Variants in RGS20 observed in about 807,000 individuals in gnomAD.
The protein encoded by RGS20 is regulator of G protein signaling 20, also known as gz-selective GTPase-activating protein.
RGS20 carries 30 observed loss-of-function variants against 33.6 expected under a neutral mutation model. The observed-to-expected ratio is 0.89, with a 90% CI of 0.67 to 1.21. RGS20 has a LOEUF of 1.21. Among genes scored for constraint, RGS20 ranks in the 50% most tolerant of loss-of-function variants. The pLI, the probability that RGS20 is intolerant of heterozygous loss-of-function variation, is 0.00. For synonymous variants in RGS20, 208 were observed against 197.9 expected, an observed-to-expected ratio of 1.05 and a Z score of -0.43; for missense variants, 472 against 502.4, an observed-to-expected ratio of 0.94 and a Z score of 0.58.
intron 2 of RGS20, among the ~76,000 whole-genome samples, chr8:53,897,458 G>T (rs781590654): frequency 2.0e-5 from 3 of 152,198 alleles, no homozygotes; most frequent in Non-Finnish European, 4.4e-5. Context: ...ATTCATTAAA[G>T]ACAGTTCAAA....
intron 1 of RGS20, among the ~76,000 whole-genome samples, chr8:53,865,049 C>T (rs751252876): frequency 6.6e-6 from 1 of 152,210 alleles, no homozygotes; most frequent in Non-Finnish European, 1.5e-5. Context: ...GACAGGGCCC[C>T]GCATGGCCTG....
At chr8:53,858,547 C>G (rs960638330) in intron 1 of RGS20, among the ~76,000 whole-genome samples, 1 of 151,594 alleles carries the variant, frequency 6.6e-6, no homozygotes, top group Non-Finnish European at 1.5e-5. Context: ...TACACATACC[C>G]GAAAGAAAGC....
intron 2 of RGS20, among the ~76,000 whole-genome samples, chr8:53,937,146 T>G (rs750251078): frequency 6.6e-6 from 1 of 151,136 alleles, no homozygotes; most frequent in Non-Finnish European, 1.5e-5. Context: ...TGTCGTGGAG[T>G]TGGGGGGAGA....
chr8:53,928,359 A>AT (rs1288291364), intron 2 of RGS20, among the ~76,000 whole-genome samples: 1 of 152,134 alleles, frequency 6.6e-6, no homozygotes, highest in East Asian at 1.9e-4. Flanking sequence ...TTAATTTAGA[A>AT]TTTTTTTGTA....
intron 1 of RGS20, among the ~76,000 whole-genome samples, chr8:53,864,430 G>GA (rs754317203): frequency 0.07 from 5,754 of 82,760 alleles, 177 homozygotes; most frequent in Admixed American, 0.1. Flanking sequence ...AAGACTCCAT[G>GA]AAAAAAAAAA....
At chr8:53,939,299 C>T (rs1176090535) in intron 2 of RGS20, among the ~76,000 whole-genome samples, 1 of 152,176 alleles carries the variant, frequency 6.6e-6, no homozygotes, top group Non-Finnish European at 1.5e-5. Context: ...GTGTCTCTGT[C>T]TCCTTTACTG....
intron 2 of RGS20, chr8:53,880,037 A>G (rs930600786): frequency 6.1e-6 from 1 of 164,224 alleles, no homozygotes; most frequent in African/African-American, 2.4e-5. Flanking sequence ...TTTTTGTGTC[A>G]GGTCAGTTTC....
chr8:53,919,590 T>G (rs1437754428), intron 2 of RGS20, among the ~76,000 whole-genome samples: 1 of 151,758 alleles, frequency 6.6e-6, no homozygotes, highest in Non-Finnish European at 1.5e-5. Flanking sequence ...ATAACATTTT[T>G]TCTTTTTTTT....
chr8:53,906,701 C>T (rs1287304223), intron 2 of RGS20, among the ~76,000 whole-genome samples: 6 of 152,148 alleles, frequency 3.9e-5, no homozygotes, highest in African/African-American at 1.2e-4. Flanking sequence ...CTGGGAACCA[C>T]AGTCAGTGGG....
chr8:53,932,477 G>A (rs1441579126), intron 2 of RGS20, among the ~76,000 whole-genome samples: 3 of 152,110 alleles, frequency 2.0e-5, no homozygotes, highest in Admixed American at 6.5e-5. Flanking sequence ...TTGAGTAGGC[G>A]GTTTTCCCCT....
At chr8:53,930,121 T>TA (rs1392054096) in intron 2 of RGS20, among the ~76,000 whole-genome samples, 1 of 152,110 alleles carries the variant, frequency 6.6e-6, no homozygotes, top group Non-Finnish European at 1.5e-5. Context: ...ACAGATACCT[T>TA]AAAAAGGTAC....
intron 4 of RGS20, among the ~76,000 whole-genome samples, chr8:53,952,658 G>A (rs1455936667): frequency 2.0e-5 from 3 of 146,812 alleles, no homozygotes; most frequent in Admixed American, 6.8e-5. Flanking sequence ...CCCGGAAGGC[G>A]GAGGTTGCAG....
At chr8:53,922,666 A>G (rs1261183494) in intron 2 of RGS20, among the ~76,000 whole-genome samples, 1 of 151,652 alleles carries the variant, frequency 6.6e-6, no homozygotes, top group Non-Finnish European at 1.5e-5. Context: ...GTATGTGTAT[A>G]TTTTTTAATT....
At chr8:53,927,044 T>TA (rs989383249) in intron 2 of RGS20, among the ~76,000 whole-genome samples, 1 of 152,222 alleles carries the variant, frequency 6.6e-6, no homozygotes, top group Admixed American at 6.5e-5. Flanking sequence ...CCTTGGCTTT[T>TA]AGTTGAATTT....
At chr8:53,946,475 T>G in intron 3 of RGS20, 190 bp from the exon 3 acceptor site, 1 of 657,296 alleles carries the variant, frequency 1.5e-6, no homozygotes, top group South Asian at 1.7e-5. Context: ...AACGTTTATT[T>G]ATATTTCTAG....
chr8:53,890,977 G>GTCTTGCC (rs985177433), intron 2 of RGS20, among the ~76,000 whole-genome samples: 23 of 152,180 alleles, frequency 1.5e-4, no homozygotes, highest in African/African-American at 5.6e-4. Context: ...GGAAGACTCA[G>GTCTTGCC]TCTTGCCTTC....
At chr8:53,881,561 G>A (rs1012526547) in intron 2 of RGS20, among the ~76,000 whole-genome samples, 1 of 152,014 alleles carries the variant, frequency 6.6e-6, no homozygotes, top group Non-Finnish European at 1.5e-5. Context: ...AGGGTAAGGA[G>A]ACAGAGCCTC....
intron 4 of RGS20, among the ~76,000 whole-genome samples, chr8:53,950,382 T>C (rs1189987289): frequency 1.3e-5 from 2 of 152,106 alleles, no homozygotes; most frequent in Admixed American, 1.3e-4. Context: ...ATGTCTCAGA[T>C]TTCAGATTTT....
chr8:53,930,198 AAAATTACTGGAACTGT>A (rs1276222183), intron 2 of RGS20, among the ~76,000 whole-genome samples: 1 of 152,232 alleles, frequency 6.6e-6, no homozygotes, highest in East Asian at 1.9e-4. Context: ...AATGAACAGA[AAAATTACTGGAACTGT>A]AAGAGAATTC....
Sources: gnomAD v4.1 joint callset for allele counts (sites outside exome capture counted in the v4.1 genomes callset) on GRCh38, gnomAD v4.1.1 for gene constraint, MANE v1.5 for transcripts, NCBI Gene and HGNC (gene_info 2026-07-23, HGNC 2026-07-21) for gene names.